The following ZNF695 variants were observed in gnomAD, a reference collection of about 807,000 sequenced individuals.
ZNF695 encodes the protein zinc finger protein 695.
In ZNF695, 11 loss-of-function variants were observed where a neutral mutation model predicts 11.2. The ratio of observed to expected loss-of-function variants is 0.98; its 90% CI spans 0.62 to 1.62. The LOEUF (loss-of-function observed/expected upper bound fraction) is 1.62. Among genes scored for constraint, ZNF695 ranks in the 40% most tolerant of loss-of-function variants. The pLI, the probability that ZNF695 is intolerant of heterozygous loss-of-function variation, is 0.00. For synonymous variants in ZNF695, 190 were observed against 201.4 expected (o/e 0.94, Z 0.48); for missense variants, 559 against 590.5 (o/e 0.95, Z 0.55).
chr1:246,962,043 T>A (rs776936466), intron 5 of ZNF695, among the ~76,000 whole-genome samples: 2 of 152,248 alleles, frequency 1.3e-5, no homozygotes, highest in Non-Finnish European at 2.9e-5. Flanking sequence ...AACTTCTCTT[T>A]AAGGAAATCC....
rs77107195 is a variant in ZNF695, at chr1:246,970,092, T to G, written c.391-2300A>C. 2.9e-3 allele frequency among the ~76,000 whole-genome samples: 440 copies of G among 152,308 alleles called. 4 individuals are homozygous for G. The highest frequency in any genetic ancestry group is 9.8e-3 in the African/African-American group (408 of 41,566). Reference sequence around the variant, plus strand: ...AGTATTGCTATCATAGCACTTAGTATAGAGAGCAGCTCTTTTAACACAGGT... The same window carrying G: ...AGTATTGCTATCATAGCACTTAGTAGAGAGAGCAGCTCTTTTAACACAGGT... On this transcript the variant is annotated intron_variant, in intron 4 of 5. Coordinates refer to the ZNF695 transcript ENST00000487338.
intron 5 of ZNF695, among the ~76,000 whole-genome samples, chr1:246,966,255 A>G (rs4971283): frequency 0.13 from 20,086 of 152,094 alleles, 1,455 homozygotes; most frequent in Middle Eastern, 0.17. Context: ...TTGGGAGGCC[A>G]AGGCAGGCGC....
chr1:246,966,612 C>T (rs1398528779), intron 5 of ZNF695, among the ~76,000 whole-genome samples: 1 of 152,116 alleles, frequency 6.6e-6, no homozygotes, highest in Non-Finnish European at 1.5e-5. Flanking sequence ...TAGCATGAAC[C>T]TGTCTCTACA....
At chr1:246,954,976 C>T (rs918813889) in intron 5 of ZNF695, among the ~76,000 whole-genome samples, 9 of 152,112 alleles carry the variant, frequency 5.9e-5, no homozygotes, top group Non-Finnish European at 1.0e-4. Context: ...ATCCAAATCT[C>T]ATCTTGAATT....
In ZNF695 at chr1:246,986,153, T is replaced by A; in HGVS notation, c.*814A>T. Reference sequence around the variant, plus strand: ...TGCCAGATAGCAGCTCACTGCATCCTCAACCTCCAGGCTCAAGCAATCCTC... The same window carrying A: ...TGCCAGATAGCAGCTCACTGCATCCACAACCTCCAGGCTCAAGCAATCCTC... On this transcript the variant is annotated 3_prime_UTR_variant, in exon 4 of 4. Coordinates refer to ENST00000339986, the MANE Select transcript of ZNF695 (RefSeq NM_020394.5). The A allele has an allele frequency of 1.5e-6, 1 of 647,252 alleles. No individual in the cohort carries two copies. Among genetic ancestry groups the A allele is most frequent in the African/African-American group, 2.0e-5 (1 of 50,696 alleles). The allele number at this position is 647,252 out of a possible 1,614,324, so 40.1% of individuals were successfully genotyped here.
At chr1:246,971,598 C>T (rs1225355945) in intron 4 of ZNF695, among the ~76,000 whole-genome samples, 1 of 152,228 alleles carries the variant, frequency 6.6e-6, no homozygotes, top group Admixed American at 6.5e-5. Context: ...CTCTTGCCTT[C>T]TGGTCGCTTC....
At chr1:246,990,045 GAAGA>G (rs1668982386) in intron 3 of ZNF695, among the ~76,000 whole-genome samples, 1 of 150,832 alleles carries the variant, frequency 6.6e-6, no homozygotes, top group Non-Finnish European at 1.5e-5. Flanking sequence ...GAAAGGAAAG[GAAGA>G]GAGAGATGAA....
chr1:246,962,832 A>G (rs189173811), intron 5 of ZNF695, among the ~76,000 whole-genome samples: 214 of 152,142 alleles, frequency 1.4e-3, no homozygotes, highest in African/African-American at 4.9e-3. Context: ...AGTTGGGACT[A>G]CAGGCACCCG....
rs549911562 is a variant in ZNF695, at chr1:246,990,909, T to G, written c.260-2654A>C. 2.0e-5 allele frequency among the ~76,000 whole-genome samples: 3 copies of G among 152,072 alleles called. No homozygotes were observed. In the East Asian group the frequency reaches 5.8e-4, roughly 29 times the overall value. On this transcript the variant is annotated intron_variant, in intron 3 of 3. Transcript: ENST00000339986. ...GAAATTTAAAATTTCTTGAGACAAA[T>G]GATAACAGAAACAAAATATACCAAA...
At position 246,986,038 on chromosome 1, in the gene ZNF695, C is replaced by A; in HGVS notation, c.*929G>T. ...TGTGATTTTCAAAAAAGCTAAAACTCTTTCAGTGCACCGAGTATACTTTAT... is the reference window on the plus strand; with the variant it reads ...TGTGATTTTCAAAAAAGCTAAAACTATTTCAGTGCACCGAGTATACTTTAT... On this transcript the variant is annotated 3_prime_UTR_variant, in exon 4 of 4. Coordinates refer to ENST00000339986, the MANE Select transcript of ZNF695 (RefSeq NM_020394.5). 1.0e-6 allele frequency: 1 copy of A among 983,434 alleles called. No homozygotes were observed. Among genetic ancestry groups the A allele is most frequent in the Non-Finnish European group, 1.2e-6 (1 of 828,182 alleles). The allele number at this position is 983,434 out of a possible 1,614,324, so 60.9% of individuals were successfully genotyped here.
At chr1:247,000,377 T>C (rs568886362) in intron 1 of ZNF695, among the ~76,000 whole-genome samples, 3 of 152,178 alleles carry the variant, frequency 2.0e-5, no homozygotes, top group South Asian at 4.1e-4. Flanking sequence ...TGGTGGCACA[T>C]GCCTGTAGTC....
chr1:246,975,461 CAT>C (rs1361324371), intron 4 of ZNF695, among the ~76,000 whole-genome samples: 1 of 152,194 alleles, frequency 6.6e-6, no homozygotes, highest in Non-Finnish European at 1.5e-5. Flanking sequence ...ACGGAGGAAA[CAT>C]ATGAACGCAG....
At chr1:246,954,031 A>G (rs1206228285) in intron 5 of ZNF695, among the ~76,000 whole-genome samples, 1 of 152,122 alleles carries the variant, frequency 6.6e-6, no homozygotes. Context: ...CTAAGACTCA[A>G]CAGTGCCCTA....
chr1:247,007,913 C>G lies in ZNF695; in HGVS notation c.-5G>C. ...CCTGCTCCGCACACTCACCATTTCC[C>G]AGCTTTTGGGGGTCCCAGCGTCCTC... On this transcript the variant is annotated 5_prime_UTR_variant, in exon 1 of 4. Coordinates refer to ENST00000339986, the MANE Select transcript of ZNF695 (RefSeq NM_020394.5). 1 of 1,533,900 alleles carries G rather than the reference C, an allele frequency of 6.5e-7. No individual in the cohort carries two copies. The highest frequency in any genetic ancestry group is 8.8e-7 in the Non-Finnish European group (1 of 1,133,764).
chr1:246,983,390 A>G (rs1328883786), downstream of ZNF695, among the ~76,000 whole-genome samples: 1 of 152,042 alleles, frequency 6.6e-6, no homozygotes, highest in East Asian at 1.9e-4. Context: ...GCATGGTGGC[A>G]TGTGGCTGTA....
In ZNF695 at chr1:246,985,349, A is replaced by G. The variant is rs1668819559; in HGVS notation, c.*1618T>C. On this transcript the variant is annotated 3_prime_UTR_variant, in exon 4 of 4. Coordinates refer to ENST00000339986, the MANE Select transcript of ZNF695 (RefSeq NM_020394.5). ...TTGATTATAATCCTATATAGGCTTTATTATAGCCTTAATAATGACACTGTC... is the reference window on the plus strand; with the variant it reads ...TTGATTATAATCCTATATAGGCTTTGTTATAGCCTTAATAATGACACTGTC... 4 of 984,434 alleles carry G rather than the reference A, an allele frequency of 4.1e-6. No homozygotes were observed. Among genetic ancestry groups the G allele is most frequent in the Non-Finnish European group, 4.8e-6 (4 of 829,036 alleles). The allele number at this position is 984,434 out of a possible 1,614,324, so 61.0% of individuals were successfully genotyped here. A position where few individuals can be genotyped will look rare whatever the true frequency, so the allele number is the denominator to read the frequency against.
chr1:246,949,605 A>T (rs1311273734), intron 5 of ZNF695, among the ~76,000 whole-genome samples: 1 of 151,778 alleles, frequency 6.6e-6, no homozygotes, highest in African/African-American at 2.4e-5. Flanking sequence ...AAAAAGAAAA[A>T]AAAAAAAAGA....
chr1:246,967,649 C>A (rs908582324), intron 5 of ZNF695: 1 of 358,242 alleles, frequency 2.8e-6, no homozygotes, highest in Non-Finnish European at 5.6e-6. Flanking sequence ...TAAAGAACCA[C>A]CTGAGACTGG....
At chr1:247,000,600 C>T (rs186105054) in intron 1 of ZNF695, among the ~76,000 whole-genome samples, 278 of 152,248 alleles carry the variant, frequency 1.8e-3, no homozygotes, top group Non-Finnish European at 3.4e-3. Context: ...TCCATGAAAC[C>T]AGTGTAGGTA....
Sources: allele counts gnomAD v4.1 joint callset (sites outside exome capture counted in the v4.1 genomes callset), GRCh38; gene constraint gnomAD v4.1.1; transcripts MANE v1.5; gene names NCBI Gene and HGNC (gene_info 2026-07-23, HGNC 2026-07-21).